MED16: variants seen among roughly 807,000 people sequenced by gnomAD.
MED16 encodes mediator of RNA polymerase II transcription subunit 16.
A neutral mutation model predicts 84.4 loss-of-function variants in MED16; 81 were observed. The ratio of observed to expected loss-of-function variants is 0.96; its 90% CI spans 0.80 to 1.15. The LOEUF is 1.15. Ranked by LOEUF, MED16 falls within the 50% of genes most tolerant of loss-of-function variation. The pLI is 0.00. For synonymous variants in MED16, 897 were observed against 552.2 expected (o/e 1.62, Z -8.76); for missense variants, 1,585 against 1,245.9 (o/e 1.27, Z -4.10).
chr19:871,553 C>A, intron 12 of MED16: 1 of 1,588,776 alleles, frequency 6.3e-7, no homozygotes, highest in South Asian at 1.1e-5. Flanking sequence ...AATGACACAG[C>A]TCACCCTCCT....
At chr19:883,503 A>T (rs1599337979) in intron 6 of MED16, among the ~76,000 whole-genome samples, 1 of 143,370 alleles carries the variant, frequency 7.0e-6, no homozygotes, top group African/African-American at 2.7e-5. Flanking sequence ...GTAGGGGGAG[A>T]GATGGGGGAG....
chr19:870,650 C>A (rs997467000), intron 13 of MED16, among the ~76,000 whole-genome samples: 10 of 151,484 alleles, frequency 6.6e-5, no homozygotes, highest in African/African-American at 1.9e-4. Flanking sequence ...CAGAAGACAC[C>A]ACTAGGGGAT....
chr19:885,720 G>A (rs751178329), intron 5 of MED16, 50 bp downstream of exon 5: 136 of 1,579,322 alleles, frequency 8.6e-5, no homozygotes, highest in Non-Finnish European at 1.1e-4. Flanking sequence ...CTGAGAAGCA[G>A]TGCTTCATTC....
At chr19:872,350 G>C (rs1389270211) in intron 11 of MED16, among the ~76,000 whole-genome samples, 2 of 152,040 alleles carry the variant, frequency 1.3e-5, no homozygotes, top group Non-Finnish European at 2.9e-5. Context: ...CCATCCCTGA[G>C]AGTCCACAAG....
chr19:883,948 C>G (rs911096722), intron 6 of MED16, among the ~76,000 whole-genome samples: 4 of 152,282 alleles, frequency 2.6e-5, no homozygotes, highest in African/African-American at 9.6e-5. Context: ...CACTACAAGC[C>G]CTGGGGGAAG....
chr19:882,079 C>T (rs1268197247), intron 6 of MED16, among the ~76,000 whole-genome samples: 5 of 152,254 alleles, frequency 3.3e-5, no homozygotes, highest in African/African-American at 1.2e-4. Context: ...GATTCCCATC[C>T]CTCCTCATCT....
intron 6 of MED16, 144 bp from the exon 7 acceptor site, chr19:881,858 C>T: frequency 1.0e-6 from 1 of 981,864 alleles, no homozygotes. Context: ...GCCCAGAAGA[C>T]CAGGCCCGGC....
At chr19:892,372 G>A (rs1230777526) in intron 1 of MED16, 1 of 156,330 alleles carries the variant, frequency 6.4e-6, no homozygotes, top group Non-Finnish European at 1.4e-5. Flanking sequence ...TTCACCGTAG[G>A]GGTCCCATGT....
intron 6 of MED16, among the ~76,000 whole-genome samples, chr19:882,427 T>A (rs1789647049): frequency 6.6e-6 from 1 of 152,170 alleles, no homozygotes; most frequent in South Asian, 2.1e-4. Flanking sequence ...CTCAGGAGGC[T>A]GAGGTAGGAT....
intron 8 of MED16, 73 bp downstream of exon 8, chr19:879,864 A>AATGCCCACCAAGCCCAGCCCC (rs2036375011): frequency 1.2e-6 from 1 of 824,100 alleles, no homozygotes; most frequent in African/African-American, 2.9e-5. Context: ...CCTGGTTGTC[A>AATGCCCACCAAGCCCAGCCCC]ATGCCCAGCA....
intron 8 of MED16, among the ~76,000 whole-genome samples, chr19:878,227 G>C (rs373989880): frequency 2.7e-4 from 19 of 71,070 alleles, no homozygotes; most frequent in Non-Finnish European, 3.3e-4. Context: ...GGTTGTCAAT[G>C]CCCACCAGCC....
At chr19:873,280 A>G in intron 11 of MED16, among the ~76,000 whole-genome samples, 169 bp downstream of exon 11, 1 of 50,430 alleles carries the variant, frequency 2.0e-5, no homozygotes, top group African/African-American at 1.2e-4. Context: ...CTGAGGTGGG[A>G]CTCCAAGCAG....
intron 12 of MED16, chr19:871,567 A>G (rs763448493): frequency 2.5e-6 from 4 of 1,594,348 alleles, no homozygotes; most frequent in South Asian, 2.2e-5. Context: ...CCCTCCTCAC[A>G]TACACACAAC....
chr19:892,815 C>A (rs1568335692), intron 1 of MED16: 1 of 152,606 alleles, frequency 6.6e-6, no homozygotes, highest in Non-Finnish European at 1.5e-5. Flanking sequence ...CCTTAGGCCC[C>A]GCCCCGAACC....
chr19:871,159 C>T lies in MED16; in HGVS notation c.2193G>A (p.Trp731Ter), dbSNP rs763793613. 2 of 1,548,720 alleles carry T rather than the reference C, an allele frequency of 1.3e-6. No homozygotes were observed. The highest frequency in any genetic ancestry group is 1.7e-6 in the Non-Finnish European group (2 of 1,145,940). Reference protein sequence around the residue: ...PSQLLIPSLDWLPASDGLVSR... With the variant: ...PSQLLIPSLD Reference sequence around the variant, plus strand: ...TAACCAGGCCGTCGCTGGCTGGCAGCCAGTCCAGGCTGGGGATAAGCAGCT... The same window carrying T: ...TAACCAGGCCGTCGCTGGCTGGCAGTCAGTCCAGGCTGGGGATAAGCAGCT... The change falls in exon 13 of 16, where the codon TGG becomes TGA. Residue 731 changes from tryptophan to a stop codon, truncating the protein, a stop_gained. Coordinates refer to ENST00000325464, the MANE Select transcript of MED16 (RefSeq NM_005481.3). LOFTEE classifies it high-confidence loss of function.
Position 877,102 on chromosome 19 carries a change from G to A in MED16, c.1432C>T (p.Leu478=), listed in dbSNP as rs774803587. 2.5e-6 allele frequency: 4 copies of A among 1,612,512 alleles called. No homozygotes were observed. In the African/African-American group the frequency reaches 4.0e-5, roughly 16 times the overall value. Residue 478 remains leucine (L), a synonymous_variant, in exon 9 of 16, where the codon CTG becomes TTG. Coordinates refer to ENST00000325464, the MANE Select transcript of MED16 (RefSeq NM_005481.3). ...GLALRHLLFL[L]EYCMVTGYDW... is the part of the protein sequence containing the mutation. ...TAGCCGGTCACCATGCAGTACTCCA[G>A]CAGGAAGAGCAGGTGCCGCAGCGCC...
chr19:892,874 A>AGCCCCGCGCCCCGC (rs1420955035), intron 1 of MED16: 1,151 of 84,084 alleles, frequency 0.014, 11 homozygotes, highest in African/African-American at 0.022. Context: ...GCAAACCCTG[A>AGCCCCGCGCCCCGC]GCCCCGAGCC....
chr19:868,105 G>C lies in MED16; in HGVS notation c.2630C>G (p.Pro877Arg), dbSNP rs146602511. ...GTCCGCCTGGACCCCCGGCCGTCACGGACGGTCCTCTGGATGCAGATGGTC... is the reference window on the plus strand; with the variant it reads ...GTCCGCCTGGACCCCCGGCCGTCACCGACGGTCCTCTGGATGCAGATGGTC... ...SLDHLHPEDR[P>R] The change falls in exon 16 of 16, where the codon CCG (proline) becomes CGG (arginine). Residue 877 changes from proline to arginine, a missense_variant. Coordinates refer to ENST00000325464, the MANE Select transcript of MED16 (RefSeq NM_005481.3). The C allele has an allele frequency of 1.2e-5, 19 of 1,607,610 alleles. No individual in the cohort carries two copies. Among genetic ancestry groups the C allele is most frequent in the East Asian group, 4.5e-5 (2 of 44,852 alleles).
At chr19:885,647 C>T in intron 5 of MED16, 123 bp downstream of exon 5, 1 of 1,181,714 alleles carries the variant, frequency 8.5e-7, no homozygotes, top group Non-Finnish European at 1.2e-6. Context: ...CCGGGAGGGA[C>T]CGGCCCTGCC....
Sources: allele counts gnomAD v4.1 joint callset (sites outside exome capture counted in the v4.1 genomes callset), GRCh38; gene constraint gnomAD v4.1.1; transcripts MANE v1.5; gene names NCBI Gene and HGNC (gene_info 2026-07-23, HGNC 2026-07-21).